FSTL4: variants seen among roughly 807,000 people sequenced by gnomAD.
FSTL4 encodes follistatin like 4, also known as follistatin-related protein 4.
In FSTL4, 28 loss-of-function variants were observed where a neutral mutation model predicts 78.2. The observed-to-expected ratio is 0.36, with a 90% CI of 0.27 to 0.49. The LOEUF (loss-of-function observed/expected upper bound fraction) is 0.49. Ranked by LOEUF, FSTL4 falls within the 20% of genes least tolerant of loss-of-function variation. The pLI, the probability that FSTL4 is intolerant of heterozygous loss-of-function variation, is 0.98. For synonymous variants in FSTL4, 422 were observed against 440.5 expected (o/e 0.96, Z 0.53); for missense variants, 922 against 1,084.9 (o/e 0.85, Z 2.11).
the FSTL4 span, among the ~76,000 whole-genome samples, chr5:133,654,073 G>T: frequency 6.6e-6 from 1 of 152,204 alleles, no homozygotes; most frequent in African/African-American, 2.4e-5. Flanking sequence ...TAGGCAAATG[G>T]TCTGGCAGTA....
chr5:133,836,200 A>G, the FSTL4 span, among the ~76,000 whole-genome samples: 15 of 152,222 alleles, frequency 9.9e-5, no homozygotes, highest in Middle Eastern at 3.4e-3. Flanking sequence ...TGAGTTTATA[A>G]TCTTACTGTT....
At chr5:133,401,548 T>C (rs1561703688) in intron 3 of FSTL4, among the ~76,000 whole-genome samples, 1 of 152,196 alleles carries the variant, frequency 6.6e-6, no homozygotes, top group African/African-American at 2.4e-5. Context: ...CCAGGCTGTG[T>C]CTTAGGCACC....
At chr5:133,312,971 G>T (rs1753822658) in intron 5 of FSTL4, among the ~76,000 whole-genome samples, 194 bp from the exon 6 acceptor site, 1 of 152,218 alleles carries the variant, frequency 6.6e-6, no homozygotes, top group South Asian at 2.1e-4. Flanking sequence ...GAGAGGGGAA[G>T]TGGCTTCCCC....
the FSTL4 span, among the ~76,000 whole-genome samples, chr5:133,814,641 G>A: frequency 6.6e-6 from 1 of 152,182 alleles, no homozygotes; most frequent in Admixed American, 6.5e-5. Context: ...GGCCAGAGAA[G>A]GCACAGATGG....
intron 6 of FSTL4, among the ~76,000 whole-genome samples, chr5:133,252,720 G>A (rs1428903942): frequency 6.6e-6 from 1 of 152,122 alleles, no homozygotes; most frequent in Non-Finnish European, 1.5e-5. Context: ...GTGAAAGGTA[G>A]GATCCCTTCC....
the FSTL4 span, among the ~76,000 whole-genome samples, chr5:133,734,953 G>A: frequency 3.3e-5 from 5 of 152,126 alleles, no homozygotes; most frequent in East Asian, 1.9e-4. Flanking sequence ...AATGAACAGC[G>A]GGCTGTGCAA....
chr5:133,605,563 T>G (rs1760959485), intron 1 of FSTL4, among the ~76,000 whole-genome samples: 1 of 152,228 alleles, frequency 6.6e-6, no homozygotes, highest in African/African-American at 2.4e-5. Flanking sequence ...GTTTGGCTGC[T>G]ATCCACATCC....
intron 3 of FSTL4, among the ~76,000 whole-genome samples, chr5:133,554,114 G>T (rs1409173921): frequency 6.6e-6 from 1 of 152,230 alleles, no homozygotes; most frequent in African/African-American, 2.4e-5. Flanking sequence ...TCCATGAATG[G>T]TAGAGACTAG....
At chr5:133,544,320 AT>A (rs1040151964) in intron 3 of FSTL4, among the ~76,000 whole-genome samples, 1 of 150,788 alleles carries the variant, frequency 6.6e-6, no homozygotes, top group Non-Finnish European at 1.5e-5. Context: ...AAAATCTTTT[AT>A]TTTTTTTTCA....
chr5:133,636,268 T>C, the FSTL4 span, among the ~76,000 whole-genome samples: 2 of 152,172 alleles, frequency 1.3e-5, no homozygotes, highest in African/African-American at 4.8e-5. Flanking sequence ...GCTGGGCTCA[T>C]CTGCCACAGT....
chr5:133,460,792 G>T (rs1047419150), intron 3 of FSTL4, among the ~76,000 whole-genome samples: 4 of 152,190 alleles, frequency 2.6e-5, no homozygotes, highest in Non-Finnish European at 5.9e-5. Flanking sequence ...ATAAACAAGG[G>T]CTTGAATTGA....
At chr5:133,596,499 C>T (rs1760739637) in intron 2 of FSTL4, among the ~76,000 whole-genome samples, 1 of 152,160 alleles carries the variant, frequency 6.6e-6, no homozygotes, top group Non-Finnish European at 1.5e-5. Flanking sequence ...AACACAAAAC[C>T]TTAACCTTCA....
intron 6 of FSTL4, among the ~76,000 whole-genome samples, chr5:133,281,522 C>T (rs1045622564): frequency 6.6e-6 from 1 of 152,122 alleles, no homozygotes; most frequent in African/African-American, 2.4e-5. Context: ...ATCTGCCCAG[C>T]TCTGCAGGAT....
chr5:133,355,399 G>A (rs1041330652), intron 4 of FSTL4, among the ~76,000 whole-genome samples: 8 of 152,164 alleles, frequency 5.3e-5, no homozygotes, highest in African/African-American at 1.2e-4. Context: ...GGCTCACGGC[G>A]GTAATCCCAG....
the FSTL4 span, among the ~76,000 whole-genome samples, chr5:133,802,531 G>A: frequency 5.3e-5 from 8 of 152,326 alleles, 1 homozygote; most frequent in Admixed American, 6.5e-5. Flanking sequence ...CCTGCAGGGC[G>A]CTGGCCAGCC....
intron 14 of FSTL4, among the ~76,000 whole-genome samples, chr5:133,205,728 CT>C (rs1750476601): frequency 6.6e-6 from 1 of 152,146 alleles, no homozygotes; most frequent in African/African-American, 2.4e-5. Flanking sequence ...AATATAAAAT[CT>C]TTAGAAACAC....
At chr5:133,301,642 G>A (rs572158162) in intron 6 of FSTL4, among the ~76,000 whole-genome samples, 63 of 152,290 alleles carry the variant, frequency 4.1e-4, no homozygotes, top group Non-Finnish European at 7.6e-4. Context: ...GTCCCAACAA[G>A]TATATAAACA....
chr5:133,657,759 GTTTTTTGTT>G, the FSTL4 span, among the ~76,000 whole-genome samples: 2 of 111,818 alleles, frequency 1.8e-5, no homozygotes, highest in Non-Finnish European at 3.7e-5. Context: ...CTAGCTTACT[GTTTTTTGTT>G]TTTTTTGTTT....
the FSTL4 span, among the ~76,000 whole-genome samples, chr5:133,795,524 A>T: frequency 4.6e-5 from 7 of 152,220 alleles, no homozygotes; most frequent in African/African-American, 1.2e-4. Context: ...CACAGGATTT[A>T]AAAAAAGTTT....
Sources: allele counts gnomAD v4.1 joint callset (sites outside exome capture counted in the v4.1 genomes callset), GRCh38; gene constraint gnomAD v4.1.1; transcripts MANE v1.5; gene names NCBI Gene and HGNC (gene_info 2026-07-23, HGNC 2026-07-21).